Variants in CFAP70 observed in about 807,000 individuals in gnomAD.
The protein encoded by CFAP70 is cilia and flagella associated protein 70.
In CFAP70, 81 loss-of-function variants were observed where a neutral mutation model predicts 137.6. The ratio of observed to expected loss-of-function variants is 0.59; its 90% CI spans 0.49 to 0.71. The LOEUF is 0.71. Among genes scored for constraint, CFAP70 ranks in the 30% least tolerant of loss-of-function variants. CFAP70 has a pLI of 0.00. For synonymous variants in CFAP70, 382 were observed against 423.6 expected (o/e 0.90, Z 1.20); for missense variants, 976 against 1,226.7 (o/e 0.80, Z 3.05).
At chr10:73,359,728 C>T (rs148827860), upstream of CFAP70, among the ~76,000 whole-genome samples, 42 of 152,218 alleles carry the variant, frequency 2.8e-4, no homozygotes, top group African/African-American at 9.1e-4. Context: ...GGTAGATGTT[C>T]TATGAGGCAT....
At chr10:73,332,545 C>T (rs2052220063) in intron 7 of CFAP70, among the ~76,000 whole-genome samples, 1 of 152,110 alleles carries the variant, frequency 6.6e-6, no homozygotes, top group Admixed American at 6.6e-5. Flanking sequence ...CCCAGGTTAC[C>T]CAAACCTATT....
chr10:73,282,335 G>A (rs1188221515), intron 19 of CFAP70, among the ~76,000 whole-genome samples: 2 of 151,914 alleles, frequency 1.3e-5, no homozygotes. Flanking sequence ...ACAGGATTCA[G>A]AGAAAGGAAT....
chr10:73,314,582 G>A (rs2050181112), intron 9 of CFAP70, among the ~76,000 whole-genome samples: 1 of 151,912 alleles, frequency 6.6e-6, no homozygotes, highest in Non-Finnish European at 1.5e-5. Context: ...TGTGTCAGTT[G>A]GTTCATTACT....
At chr10:73,331,364 A>G in intron 7 of CFAP70, 88 bp from the exon 9 acceptor site, 4 of 1,113,050 alleles carry the variant, frequency 3.6e-6, no homozygotes, top group Non-Finnish European at 5.2e-6. Context: ...TCTTTTAGAA[A>G]GTAATATAGA....
intron 24 of CFAP70, among the ~76,000 whole-genome samples, chr10:73,271,417 C>A (rs919991393): frequency 6.6e-6 from 1 of 152,062 alleles, no homozygotes; most frequent in Non-Finnish European, 1.5e-5. Flanking sequence ...GAGGCTGAGG[C>A]AGGAGAATCA....
intron 26 of CFAP70, chr10:73,254,321 T>C: frequency 3.7e-6 from 1 of 272,382 alleles, no homozygotes. Flanking sequence ...GATAACTTCA[T>C]TAAAATTTAC....
intron 21 of CFAP70, chr10:73,276,127 A>G (rs1425285239): frequency 2.3e-5 from 3 of 131,628 alleles, no homozygotes; most frequent in Non-Finnish European, 4.8e-5. Flanking sequence ...TTCTTTTTTT[A>G]GAGACAGGGT....
intron 9 of CFAP70, 27 bp downstream of exon 10, chr10:73,322,936 G>A (rs1467188555): frequency 1.3e-6 from 2 of 1,566,990 alleles, no homozygotes; most frequent in Non-Finnish European, 1.7e-6. Flanking sequence ...AAATTACCAT[G>A]ATGATTTTTA....
chr10:73,294,334 C>T (rs1388902400), intron 15 of CFAP70: 1 of 152,248 alleles, frequency 6.6e-6, no homozygotes, highest in Non-Finnish European at 1.5e-5. Flanking sequence ...AAGCCCATCA[C>T]TTCCCAGATG....
intron 14 of CFAP70, among the ~76,000 whole-genome samples, chr10:73,297,825 T>A (rs12242188): frequency 0.11 from 16,083 of 152,216 alleles, 1,228 homozygotes; most frequent in East Asian, 0.31. Context: ...TCATATGACC[T>A]TATGTGATAA....
At chr10:73,281,163 GTTGA>G (rs994611452) in intron 19 of CFAP70, among the ~76,000 whole-genome samples, 4 of 151,826 alleles carry the variant, frequency 2.6e-5, no homozygotes, top group Admixed American at 6.6e-5. Flanking sequence ...TGACCTGTGG[GTTGA>G]TTATTTATTT....
exon 17 of CFAP70, chr10:73,291,941 T>A: frequency 1.9e-6 from 3 of 1,614,220 alleles, no homozygotes; most frequent in Non-Finnish European, 2.5e-6. Flanking sequence ...TGCTTTGATG[T>A]TGTCTTCAGT....
chr10:73,346,109 G>A (rs1269448673), intron 4 of CFAP70, among the ~76,000 whole-genome samples: 1 of 151,522 alleles, frequency 6.6e-6, no homozygotes, highest in African/African-American at 2.4e-5. Flanking sequence ...ATATTGGCCA[G>A]GCTGGTCTCA....
At chr10:73,271,788 G>A (rs2046340592) in intron 24 of CFAP70, among the ~76,000 whole-genome samples, 2 of 152,154 alleles carry the variant, frequency 1.3e-5, no homozygotes, top group African/African-American at 4.8e-5. Flanking sequence ...TCTAACTTCT[G>A]TGTTCCCACC....
chr10:73,358,577 C>G (rs1232770287), intron 1 of CFAP70: 2 of 152,392 alleles, frequency 1.3e-5, no homozygotes, highest in African/African-American at 4.8e-5. Context: ...AGCGGCTTTT[C>G]GGTCTAAATA....
chr10:73,325,888 A>G (rs373073842), intron 8 of CFAP70, among the ~76,000 whole-genome samples: 1 of 152,110 alleles, frequency 6.6e-6, no homozygotes, highest in East Asian at 1.9e-4. Context: ...AATAATAATG[A>G]GAGACTTTAA....
intron 5 of CFAP70, among the ~76,000 whole-genome samples, chr10:73,342,638 A>T (rs2053346514): frequency 6.6e-6 from 1 of 152,220 alleles, no homozygotes; most frequent in Admixed American, 6.5e-5. Flanking sequence ...CCTTAAATTA[A>T]AAGGAAGTTC....
intron 24 of CFAP70, among the ~76,000 whole-genome samples, chr10:73,271,680 C>T (rs910418025): frequency 6.6e-6 from 1 of 152,096 alleles, no homozygotes; most frequent in Non-Finnish European, 1.5e-5. Context: ...ATGTTTTCTT[C>T]ATATTTTGTA....
intron 8 of CFAP70, among the ~76,000 whole-genome samples, chr10:73,327,739 T>C (rs1347825552): frequency 6.6e-6 from 1 of 152,028 alleles, no homozygotes; most frequent in Non-Finnish European, 1.5e-5. Flanking sequence ...CCATTCACAA[T>C]TGCTTCAAAG....
Sources: allele counts gnomAD v4.1 joint callset (sites outside exome capture counted in the v4.1 genomes callset), GRCh38; gene constraint gnomAD v4.1.1; transcripts MANE v1.5; gene names NCBI Gene and HGNC (gene_info 2026-07-23, HGNC 2026-07-21).